Variants in SRFBP1 observed in about 807,000 individuals in gnomAD.
SRFBP1 encodes the protein serum response factor-binding protein 1.
A neutral mutation model predicts 45.5 loss-of-function variants in SRFBP1; 47 were observed. The observed-to-expected ratio is 1.03, with a 90% CI of 0.82 to 1.32. The LOEUF (loss-of-function observed/expected upper bound fraction) is 1.32, where lower values mean the gene tolerates loss of function less well. SRFBP1 is among the 40% of genes most tolerant of loss of function. The pLI, the probability that SRFBP1 is intolerant of heterozygous loss-of-function variation, is 0.00. For synonymous variants in SRFBP1, 203 were observed against 166.3 expected (o/e 1.22, Z -1.70); for missense variants, 621 against 484.6 (o/e 1.28, Z -2.64).
At chr5:121,965,262 T>A (rs191965221) in intron 1 of SRFBP1, among the ~76,000 whole-genome samples, 271 of 152,266 alleles carry the variant, frequency 1.8e-3, no homozygotes, top group Admixed American at 3.4e-3. Flanking sequence ...GTAGTCTTTG[T>A]CCATGCCTCA....
chr5:122,077,303 A>G, downstream of SRFBP1: 1 of 1,609,792 alleles, frequency 6.2e-7, no homozygotes. The surrounding 1 kb of genome is among the most constrained non-coding windows in gnomAD (Gnocchi z 4.9). Context: ...GAGAAGCCAC[A>G]TAGCTGGGGA....
At chr5:122,038,192 G>T (rs1753721738) in intron 2 of SRFBP1, among the ~76,000 whole-genome samples, 1 of 152,108 alleles carries the variant, frequency 6.6e-6, no homozygotes, top group South Asian at 2.1e-4. Context: ...GGAATTTTTT[G>T]TTATAGTACA....
At chr5:121,968,227 T>TATC (rs1289266531) in intron 1 of SRFBP1, among the ~76,000 whole-genome samples, 2 of 137,632 alleles carry the variant, frequency 1.5e-5, no homozygotes, top group Admixed American at 1.5e-4. Flanking sequence ...CTGTCATTAT[T>TATC]ATTATTATTA....
intron 2 of SRFBP1, among the ~76,000 whole-genome samples, chr5:122,059,231 G>A (rs1052043889): frequency 6.6e-6 from 1 of 152,214 alleles, no homozygotes; most frequent in Admixed American, 6.5e-5. Context: ...GAATAACAGG[G>A]TAACTCCCTG....
chr5:121,966,263 CT>C (rs1752061609), intron 1 of SRFBP1, among the ~76,000 whole-genome samples: 1 of 152,174 alleles, frequency 6.6e-6, no homozygotes, highest in Admixed American at 6.5e-5. Context: ...TGTTGTTATT[CT>C]TGCGAAGTAA....
chr5:121,992,485 C>G (rs1752638997), intron 3 of SRFBP1, among the ~76,000 whole-genome samples: 1 of 151,782 alleles, frequency 6.6e-6, no homozygotes, highest in Non-Finnish European at 1.5e-5. Flanking sequence ...ATTTGGCTTA[C>G]CTGGATAATC....
intron 3 of SRFBP1, among the ~76,000 whole-genome samples, chr5:121,986,514 C>G (rs559324875): frequency 5.5e-4 from 83 of 152,076 alleles, no homozygotes; most frequent in Non-Finnish European, 1.1e-3. Flanking sequence ...TTAATAGGGC[C>G]TTATTTTATT....
At chr5:122,071,191 ATATGTG>A (rs913163469) in intron 2 of SRFBP1, among the ~76,000 whole-genome samples, 1 of 118,590 alleles carries the variant, frequency 8.4e-6, no homozygotes, top group African/African-American at 3.9e-5. Context: ...GTAAACATTT[ATATGTG>A]TGTGTGTGTG....
At chr5:122,077,289 C>T (rs929211062), downstream of SRFBP1, 16 of 1,600,572 alleles carry the variant, frequency 1.0e-5, no homozygotes, top group African/African-American at 1.5e-4. This position sits in a 1 kb window ranked among gnomAD's most constrained non-coding sequence, Gnocchi z 4.9. Context: ...CAGGCAGCCA[C>T]GTCGAGAAGC....
intron 4 of SRFBP1, among the ~76,000 whole-genome samples, chr5:122,010,147 C>T (rs1454924453): frequency 6.6e-6 from 1 of 151,960 alleles, no homozygotes; most frequent in Non-Finnish European, 1.5e-5. Context: ...CATTCATTTC[C>T]TTCTGTCATA....
chr5:122,031,834 A>G (rs2112721311), downstream of SRFBP1, among the ~76,000 whole-genome samples: 1 of 152,188 alleles, frequency 6.6e-6, no homozygotes, highest in Admixed American at 6.5e-5. Context: ...ACAGACTACA[A>G]CGTGAATGGA....
At chr5:122,014,150 CTA>C (rs1206198489) in intron 4 of SRFBP1, among the ~76,000 whole-genome samples, 3 of 152,020 alleles carry the variant, frequency 2.0e-5, no homozygotes, top group Non-Finnish European at 1.5e-5. Context: ...CTATAAGTGT[CTA>C]AAATTATTGT....
At chr5:122,043,578 T>G (rs1753804716) in intron 2 of SRFBP1, among the ~76,000 whole-genome samples, 1 of 152,230 alleles carries the variant, frequency 6.6e-6, no homozygotes, top group Non-Finnish European at 1.5e-5. Flanking sequence ...ATTGTCATTT[T>G]ATAGGCAACT....
intron 4 of SRFBP1, among the ~76,000 whole-genome samples, chr5:121,994,927 G>A (rs1227483582): frequency 1.3e-5 from 2 of 151,912 alleles, no homozygotes; most frequent in Non-Finnish European, 2.9e-5. Flanking sequence ...ATAAAAATTA[G>A]TCTGCTGATC....
At chr5:122,022,301 G>T (rs1477162157) in intron 6 of SRFBP1, 69 bp from the exon 7 acceptor site, 2 of 1,346,064 alleles carry the variant, frequency 1.5e-6, no homozygotes, top group East Asian at 4.7e-5. Context: ...CATCAATTTT[G>T]TTATGTTTTT....
At chr5:122,060,637 G>A (rs556449525) in intron 2 of SRFBP1, among the ~76,000 whole-genome samples, 11 of 152,160 alleles carry the variant, frequency 7.2e-5, no homozygotes, top group South Asian at 4.1e-4. Flanking sequence ...GGTTAATGCC[G>A]CTTTTTTCTG....
At chr5:122,011,786 G>A (rs908285805) in intron 4 of SRFBP1, among the ~76,000 whole-genome samples, 3 of 152,030 alleles carry the variant, frequency 2.0e-5, no homozygotes, top group African/African-American at 7.2e-5. Context: ...AGAGAAATGA[G>A]GAGGGAAAGA....
chr5:122,075,977 A>C (rs1754616511), downstream of SRFBP1: 2 of 152,458 alleles, frequency 1.3e-5, no homozygotes, highest in African/African-American at 2.4e-5. Flanking sequence ...TAAAAAAGTT[A>C]ATGAGCTGCA....
intron 4 of SRFBP1, among the ~76,000 whole-genome samples, chr5:122,000,444 G>C (rs1406779933): frequency 6.6e-6 from 1 of 151,938 alleles, no homozygotes; most frequent in African/African-American, 2.4e-5. Flanking sequence ...TGTTTTTCCT[G>C]AAGACTCTTA....
Sources: allele counts gnomAD v4.1 joint callset (sites outside exome capture counted in the v4.1 genomes callset), GRCh38; gene constraint gnomAD v4.1.1; non-coding constraint Gnocchi (gnomAD v3.1); transcripts MANE v1.5; gene names NCBI Gene and HGNC (gene_info 2026-07-23, HGNC 2026-07-21).